PCDHGA4: variants seen among roughly 807,000 people sequenced by gnomAD.
The protein encoded by PCDHGA4 is protocadherin gamma-A4.
In PCDHGA4, 38 loss-of-function variants were observed where a neutral mutation model predicts 54.6. The ratio of observed to expected loss-of-function variants is 0.70; its 90% CI spans 0.54 to 0.91. PCDHGA4 has a LOEUF of 0.91. Among genes scored for constraint, PCDHGA4 ranks in the 40% least tolerant of loss-of-function variants. PCDHGA4 has a pLI of 0.00. For synonymous variants in PCDHGA4, 511 were observed against 512.9 expected (o/e 1.00, Z 0.05); for missense variants, 1,298 against 1,220.9 (o/e 1.06, Z -0.94).
chr5:141,360,178 C>T (rs1291288945), intron 1 of PCDHGA4: 2 of 1,609,980 alleles, frequency 1.2e-6, no homozygotes, highest in African/African-American at 1.3e-5. Context: ...GCGGTGGCTG[C>T]AGGTACTGTT....
chr5:141,422,066 A>G, intron 1 of PCDHGA4: 1 of 1,612,154 alleles, frequency 6.2e-7, no homozygotes. Context: ...GAAGTAATGT[A>G]TTCATTTCGG....
chr5:141,426,297 G>T (rs1056504791), intron 1 of PCDHGA4: 3 of 171,478 alleles, frequency 1.7e-5, no homozygotes, highest in African/African-American at 7.1e-5. Context: ...TGGGAAACAG[G>T]GTGAAGCAGA....
chr5:141,415,736 T>G, intron 1 of PCDHGA4: 1 of 1,289,978 alleles, frequency 7.8e-7, no homozygotes, highest in South Asian at 1.8e-5. Context: ...TGATGTTTAT[T>G]AAGGTTTTTT....
intron 1 of PCDHGA4, among the ~76,000 whole-genome samples, chr5:141,492,408 C>T (rs1187024017): frequency 2.0e-5 from 3 of 152,244 alleles, no homozygotes; most frequent in African/African-American, 2.4e-5. Flanking sequence ...CTCCCCTCTG[C>T]CGCTCCCTCC....
chr5:141,494,778 C>CA, intron 1 of PCDHGA4, 29 bp from the exon 2 acceptor site: 1 of 1,614,086 alleles, frequency 6.2e-7, no homozygotes, highest in Non-Finnish European at 8.5e-7. Context: ...CACGGGTACT[C>CA]AGCCCCTTTC....
At position 141,388,141 on chromosome 5, in the gene PCDHGA4, T is replaced by C. The variant is rs1239201119; in HGVS notation, c.2514+30520T>C. On this transcript the variant is annotated intron_variant, in intron 1 of 3. Transcript: ENST00000571252. ...AGCGCAGAGAGCGGGGAGTTGCTTG[T>C]GAGCAGCAGGCTAGACAGGGAGGAG... 6.9e-7 allele frequency: 1 copy of C among 1,456,446 alleles called. No individual in the cohort carries two copies. The highest frequency in any genetic ancestry group is 2.3e-4 in the Middle Eastern group (1 of 4,348). The allele number at this position is 1,456,446 out of a possible 1,614,324, so 90.2% of individuals were successfully genotyped here. A position where few individuals can be genotyped will look rare whatever the true frequency, so the allele number is the denominator to read the frequency against.
At chr5:141,385,050 G>C in intron 1 of PCDHGA4, 1 of 1,614,164 alleles carries the variant, frequency 6.2e-7, no homozygotes, top group Non-Finnish European at 8.5e-7. Flanking sequence ...TCAGGCTGCG[G>C]CGCTGGCACA....
intron 3 of PCDHGA4, 61 bp downstream of exon 3, chr5:141,505,542 A>G (rs2099846540): frequency 6.2e-7 from 1 of 1,604,832 alleles, no homozygotes; most frequent in African/African-American, 1.3e-5. Context: ...GGTGCATCTC[A>G]CAGCCACCAT....
chr5:141,508,026 T>A (rs972124070), intron 3 of PCDHGA4: 3 of 152,314 alleles, frequency 2.0e-5, no homozygotes, highest in African/African-American at 7.2e-5. Context: ...GGCTGCGGTT[T>A]GCAGCTCAGC....
intron 1 of PCDHGA4, chr5:141,394,617 G>T (rs369651266): frequency 8.1e-6 from 13 of 1,613,372 alleles, no homozygotes; most frequent in Non-Finnish European, 1.1e-5. Flanking sequence ...GGGCCAGAAC[G>T]CCTGGCTGTC....
chr5:141,440,056 G>A, intron 1 of PCDHGA4: 1 of 152,648 alleles, frequency 6.6e-6, no homozygotes, highest in East Asian at 1.9e-4. Flanking sequence ...GAAAGCTTCG[G>A]GTTAATGCTG....
intron 2 of PCDHGA4, among the ~76,000 whole-genome samples, chr5:141,500,231 C>T (rs992215482): frequency 1.4e-5 from 2 of 138,098 alleles, no homozygotes; most frequent in East Asian, 4.1e-4. Context: ...TTTATTGATA[C>T]GTAGCCTTGC....
chr5:141,355,897 G>A lies in PCDHGA4; in HGVS notation c.790G>A (p.Val264Met). The A allele has an allele frequency of 1.2e-6, 2 of 1,613,656 alleles. No homozygotes were observed. Among genetic ancestry groups the A allele is most frequent in the South Asian group, 2.2e-5 (2 of 91,022 alleles). ...SGTARILIIL[V>M]DTNDNAPVFT... ...CACTGCCAGGATTCTCATAATACTTGTGGATACCAACGATAATGCTCCCGT... is the reference window on the plus strand; with the variant it reads ...CACTGCCAGGATTCTCATAATACTTATGGATACCAACGATAATGCTCCCGT... Residue 264 changes from valine to methionine, a missense_variant, in exon 1 of 4, where the codon GTG (valine) becomes ATG (methionine). By Grantham distance (21) the Val-to-Met change is conservative. Coordinates refer to ENST00000571252, the MANE Select transcript of PCDHGA4 (RefSeq NM_018917.4).
Position 141,370,893 on chromosome 5 carries a change from C to G in PCDHGA4, c.2514+13272C>G, listed in dbSNP as rs116495533. On this transcript the variant is annotated intron_variant, in intron 1 of 3. Coordinates refer to ENST00000571252, the MANE Select transcript of PCDHGA4 (RefSeq NM_018917.4). ...AGATCCTGATGTAGGTGTCAATTCG[C>G]TGCAGCAGTACTACCTCAGCCCTGA... The G allele has an allele frequency of 1.9e-3, 3,002 of 1,614,052 alleles. 48 individuals carry two copies. In the African/African-American group the frequency reaches 0.033, roughly 18 times the overall value.
At chr5:141,419,753 T>C (rs764151937) in intron 1 of PCDHGA4, 10 of 1,613,856 alleles carry the variant, frequency 6.2e-6, no homozygotes, top group South Asian at 2.2e-5. Context: ...GGTGCGTGCT[T>C]TGGGTGACAA....
chr5:141,357,138 C>T lies in PCDHGA4; in HGVS notation c.2031C>T (p.Val677=), dbSNP rs999487031. The change falls in exon 1 of 4, where the codon GTC becomes GTT. Residue 677 remains valine, a synonymous_variant. Coordinates refer to ENST00000571252, the MANE Select transcript of PCDHGA4 (RefSeq NM_018917.4). ...DALKQRLVVV[V]QDHGQPPLSA... is the part of the protein sequence containing the mutation. ...TCAAGCAGAGGCTTGTAGTGGTCGT[C>T]CAGGACCATGGCCAGCCCCCTCTCT... The T allele has an allele frequency of 2.5e-6, 4 of 1,613,416 alleles. No individual in the cohort carries two copies. The highest frequency in any genetic ancestry group is 3.3e-5 in the Admixed American group (2 of 60,002).
At chr5:141,474,871 A>G (rs894657981) in intron 1 of PCDHGA4, among the ~76,000 whole-genome samples, 5 of 152,236 alleles carry the variant, frequency 3.3e-5, no homozygotes, top group African/African-American at 1.2e-4. Context: ...ATAGGATAGG[A>G]GCAGGAACTC....
At chr5:141,389,823 G>A in intron 1 of PCDHGA4, 3 of 1,613,944 alleles carry the variant, frequency 1.9e-6, no homozygotes, top group Non-Finnish European at 2.5e-6. Context: ...CGTGCGTGAC[G>A]GTGGACAGCC....
Position 141,393,093 on chromosome 5 carries a change from G to A in PCDHGA4, c.2514+35472G>A, listed in dbSNP as rs781611512. On this transcript the variant is annotated intron_variant, in intron 1 of 3. Coordinates refer to ENST00000571252, the MANE Select transcript of PCDHGA4 (RefSeq NM_018917.4). The stretch of plus-strand genomic sequence containing the variant: ...CACCGCGGGCAGGATAGATCGGGAG[G>A]AGCTCTGCGCTCAGAGCCCGCGGTG... 138 of 1,613,502 alleles carry A rather than the reference G, an allele frequency of 8.6e-5. No individual in the cohort carries two copies. The highest frequency in any genetic ancestry group is 1.2e-4 in the Non-Finnish European group (136 of 1,179,914).
Sources: gnomAD v4.1 joint callset for allele counts (sites outside exome capture counted in the v4.1 genomes callset) on GRCh38, gnomAD v4.1.1 for gene constraint, MANE v1.5 for transcripts, NCBI Gene and HGNC (gene_info 2026-07-23, HGNC 2026-07-21) for gene names.